The following BABAM2 variants were observed in gnomAD, a reference collection of about 807,000 sequenced individuals.
BABAM2 encodes the protein BRISC and BRCA1-A complex member 2.
A neutral mutation model predicts 54.7 loss-of-function variants in BABAM2; 31 were observed. The observed-to-expected ratio is 0.57, with a 90% CI of 0.43 to 0.77. BABAM2 has a LOEUF of 0.77. Ranked by LOEUF, BABAM2 falls within the 30% of genes least tolerant of loss-of-function variation. BABAM2 has a pLI of 0.00. For synonymous variants in BABAM2, 167 were observed against 162.9 expected (o/e 1.03, Z -0.19); for missense variants, 364 against 455.8 (o/e 0.80, Z 1.83).
intron 11 of BABAM2, among the ~76,000 whole-genome samples, chr2:28,300,260 G>A (rs1388290009): frequency 3.3e-5 from 5 of 152,130 alleles, no homozygotes; most frequent in African/African-American, 1.2e-4. Flanking sequence ...AATAATGTCA[G>A]GGTGTCTTCT....
At chr2:27,921,216 C>T (rs940932590) in intron 2 of BABAM2, among the ~76,000 whole-genome samples, 10 of 152,122 alleles carry the variant, frequency 6.6e-5, no homozygotes, top group Non-Finnish European at 1.5e-4. Flanking sequence ...CTTGTTCCCT[C>T]TCTTGTAGCC....
intron 5 of BABAM2, among the ~76,000 whole-genome samples, chr2:28,032,954 C>T (rs2148584853): frequency 6.6e-6 from 1 of 152,200 alleles, no homozygotes; most frequent in South Asian, 2.1e-4. Context: ...GACATTGGTA[C>T]AATGTATGTG....
At chr2:28,088,064 T>C (rs914278316) in intron 6 of BABAM2, among the ~76,000 whole-genome samples, 2 of 152,222 alleles carry the variant, frequency 1.3e-5, no homozygotes, top group Non-Finnish European at 1.5e-5. Context: ...CAAAACAGAA[T>C]TTGTACCATA....
At chr2:28,240,422 A>G (rs1214179691) in intron 8 of BABAM2, among the ~76,000 whole-genome samples, 1 of 152,188 alleles carries the variant, frequency 6.6e-6, no homozygotes, top group Non-Finnish European at 1.5e-5. Context: ...CCACATCTGG[A>G]CATAGCCCAA....
intron 10 of BABAM2, among the ~76,000 whole-genome samples, chr2:28,251,249 C>CT (rs575365147): frequency 1.2e-4 from 17 of 145,882 alleles, no homozygotes; most frequent in East Asian, 2.0e-4. Context: ...TCTGGTAAGA[C>CT]TTTTTTTTTT....
intron 2 of BABAM2, chr2:27,896,754 C>T (rs1171242435): frequency 4.4e-5 from 10 of 227,860 alleles, no homozygotes; most frequent in South Asian, 5.1e-5. Flanking sequence ...CTTCACTAGG[C>T]TCCAGCAACT....
At chr2:27,985,495 CAT>C (rs1672336566) in intron 3 of BABAM2, among the ~76,000 whole-genome samples, 1 of 151,994 alleles carries the variant, frequency 6.6e-6, no homozygotes, top group East Asian at 1.9e-4. Context: ...AGCATTTTTT[CAT>C]ATGTTTGTTG....
At chr2:28,247,022 T>G (rs887099798) in intron 10 of BABAM2, among the ~76,000 whole-genome samples, 1 of 152,240 alleles carries the variant, frequency 6.6e-6, no homozygotes. Flanking sequence ...AAATCAGACA[T>G]GCAGAATTGA....
At chr2:28,104,089 C>G (rs970497454) in intron 6 of BABAM2, among the ~76,000 whole-genome samples, 1 of 152,062 alleles carries the variant, frequency 6.6e-6, no homozygotes, top group Non-Finnish European at 1.5e-5. Context: ...CATAAAAACC[C>G]TGGAAGAAAA....
intron 7 of BABAM2, among the ~76,000 whole-genome samples, chr2:28,168,744 G>T (rs1673993417): frequency 6.6e-6 from 1 of 152,080 alleles, no homozygotes; most frequent in Non-Finnish European, 1.5e-5. Flanking sequence ...GAAAGTTTTC[G>T]AGTCAGACTT....
intron 4 of BABAM2, among the ~76,000 whole-genome samples, chr2:28,017,033 A>G (rs1674878453): frequency 6.6e-6 from 1 of 152,174 alleles, no homozygotes; most frequent in Non-Finnish European, 1.5e-5. Context: ...GTTTTTCTTA[A>G]TCCAGCTTCT....
intron 10 of BABAM2, among the ~76,000 whole-genome samples, chr2:28,277,935 G>GT (rs1274067476): frequency 6.6e-5 from 10 of 152,280 alleles, no homozygotes; most frequent in African/African-American, 2.4e-4. Context: ...CCTCAGAAGG[G>GT]TTTTACACAT....
chr2:28,095,998 AAGT>A (rs1666585253), intron 6 of BABAM2, among the ~76,000 whole-genome samples: 1 of 152,178 alleles, frequency 6.6e-6, no homozygotes, highest in Non-Finnish European at 1.5e-5. Flanking sequence ...GTCAAACATT[AAGT>A]AGTTGAATTT....
At chr2:28,235,227 G>A (rs1465321358) in intron 7 of BABAM2, among the ~76,000 whole-genome samples, 1 of 152,124 alleles carries the variant, frequency 6.6e-6, no homozygotes, top group Non-Finnish European at 1.5e-5. Flanking sequence ...CCGGGCTGGA[G>A]TGCAGTGTCA....
intron 4 of BABAM2, among the ~76,000 whole-genome samples, chr2:28,014,668 G>GTT (rs35336635): frequency 2.2e-3 from 298 of 138,136 alleles, no homozygotes; most frequent in African/African-American, 5.4e-3. Context: ...TATGAAGCTG[G>GTT]TTTTTTTTTT....
chr2:28,086,797 TTC>T (rs1458790756), intron 6 of BABAM2, among the ~76,000 whole-genome samples: 7 of 152,242 alleles, frequency 4.6e-5, no homozygotes, highest in African/African-American at 1.7e-4. Context: ...CCAGCACATC[TTC>T]TGTTTCTAAT....
intron 5 of BABAM2, among the ~76,000 whole-genome samples, chr2:28,037,782 A>T (rs1472133474): frequency 1.3e-5 from 2 of 152,156 alleles, no homozygotes; most frequent in Non-Finnish European, 2.9e-5. Flanking sequence ...TGTTGACCTA[A>T]CTCTTCACAA....
chr2:28,008,092 G>C (rs1674103333), intron 4 of BABAM2, among the ~76,000 whole-genome samples: 1 of 152,108 alleles, frequency 6.6e-6, no homozygotes. Flanking sequence ...ATAAAATACT[G>C]TTCCTGTCCT....
At position 28,338,596 on chromosome 2, in the gene BABAM2, C is replaced by G. The variant is rs1691675419; in HGVS notation, c.*83C>G. 1 of 1,505,516 alleles carries G rather than the reference C, an allele frequency of 6.6e-7. No homozygotes were observed. 93.3% of individuals were successfully genotyped at this position (1,505,516 alleles called of 1,614,324 possible). ...CATACAGCCGCTTCCTGGAAGCCGC[C>G]TGGAATGTCTTCACGGCAGCGTTTT... On this transcript the variant is annotated 3_prime_UTR_variant, in exon 12 of 12. Coordinates refer to ENST00000379624, the MANE Select transcript of BABAM2 (RefSeq NM_199191.3).
Sources: gnomAD v4.1 joint callset for allele counts (sites outside exome capture counted in the v4.1 genomes callset) on GRCh38, gnomAD v4.1.1 for gene constraint, MANE v1.5 for transcripts, NCBI Gene and HGNC (gene_info 2026-07-23, HGNC 2026-07-21) for gene names.